Variants in SHISA6 observed in about 807,000 individuals in gnomAD.
The protein encoded by SHISA6 is protein shisa-6.
In SHISA6, 22 loss-of-function variants were observed where a neutral mutation model predicts 47.9. The ratio of observed to expected loss-of-function variants is 0.46; its 90% confidence interval spans 0.33 to 0.66. The LOEUF is 0.66. SHISA6 is among the 30% of genes least tolerant of loss of function. The pLI, the probability that SHISA6 is intolerant of heterozygous loss-of-function variation, is 0.02. For synonymous variants in SHISA6, 388 were observed against 337.8 expected (o/e 1.15, Z -1.63); for missense variants, 680 against 764.6 (o/e 0.89, Z 1.30).
chr17:11,327,905 TTCTC>T (rs143614162), intron 2 of SHISA6, among the ~76,000 whole-genome samples: 13 of 151,344 alleles, frequency 8.6e-5, no homozygotes, highest in Non-Finnish European at 8.9e-5. Flanking sequence ...CAGAAGCATT[TTCTC>T]TCTCTCTCTC....
At chr17:11,417,899 G>A (rs1238653205) in intron 3 of SHISA6, among the ~76,000 whole-genome samples, 4 of 152,212 alleles carry the variant, frequency 2.6e-5, no homozygotes, top group Admixed American at 2.0e-4. Context: ...TTAAAGGGAA[G>A]TTGATAAGGA....
chr17:11,267,333 C>T (rs149552345), intron 2 of SHISA6, among the ~76,000 whole-genome samples: 3 of 152,306 alleles, frequency 2.0e-5, no homozygotes, highest in Admixed American at 1.3e-4. Flanking sequence ...GAATCTTGGG[C>T]TCTTCCTCAA....
intron 2 of SHISA6, among the ~76,000 whole-genome samples, chr17:11,282,083 C>G (rs530519208): frequency 6.6e-6 from 1 of 152,332 alleles, no homozygotes; most frequent in African/African-American, 2.4e-5. Flanking sequence ...GCCAAATTAT[C>G]TTTACAAAAC....
At position 11,281,668 on chromosome 17, in the gene SHISA6, C is replaced by T. The variant is rs191840522; in HGVS notation, c.799+18142C>T. Among the ~76,000 whole-genome samples, 327 of 152,014 alleles carry T rather than the reference C, an allele frequency of 2.2e-3. 2 individuals carry two copies. The highest frequency in any genetic ancestry group is 8.5e-3 in the South Asian group (41 of 4,808). On this transcript the variant is annotated intron_variant, in intron 2 of 5. Transcript: ENST00000441885. ...GTAATGCTGACCTCATAAAATATGC[C>T]GAAAAATGTTTTTTTCTCTCAATTT...
At chr17:11,386,086 A>G (rs953402224) in intron 3 of SHISA6, among the ~76,000 whole-genome samples, 3 of 152,180 alleles carry the variant, frequency 2.0e-5, no homozygotes, top group African/African-American at 4.8e-5. Context: ...AGGAAGGTGC[A>G]TTATTTCAGT....
chr17:11,448,712 G>A (rs925560640), intron 3 of SHISA6, among the ~76,000 whole-genome samples: 2 of 152,122 alleles, frequency 1.3e-5, no homozygotes, highest in African/African-American at 4.8e-5. Context: ...TGTAATCCCA[G>A]CCACTCAGGA....
At chr17:11,297,529 A>G (rs1909793251) in intron 2 of SHISA6, among the ~76,000 whole-genome samples, 1 of 152,176 alleles carries the variant, frequency 6.6e-6, no homozygotes, top group South Asian at 2.1e-4. Flanking sequence ...AAGCGAGGGC[A>G]ACAAAGGAGC....
intron 3 of SHISA6, among the ~76,000 whole-genome samples, chr17:11,391,433 C>G (rs1913383935): frequency 6.6e-6 from 1 of 152,206 alleles, no homozygotes; most frequent in Non-Finnish European, 1.5e-5. Flanking sequence ...CCCATGCCCT[C>G]TTCCTCCTTG....
intron 3 of SHISA6, among the ~76,000 whole-genome samples, chr17:11,446,405 C>A (rs963423756): frequency 6.6e-6 from 1 of 152,204 alleles, no homozygotes. Flanking sequence ...TTAGGAACTA[C>A]GAAGACACAG....
intron 2 of SHISA6, among the ~76,000 whole-genome samples, chr17:11,315,720 C>T (rs1240479360): frequency 6.6e-6 from 1 of 152,088 alleles, no homozygotes; most frequent in Admixed American, 6.5e-5. Flanking sequence ...TCCCTGCATT[C>T]CTAGAATTAA....
intron 3 of SHISA6, among the ~76,000 whole-genome samples, chr17:11,484,729 G>A (rs1005578521): frequency 6.6e-6 from 1 of 152,088 alleles, no homozygotes; most frequent in African/African-American, 2.4e-5. Context: ...ATCCACAAAA[G>A]AGAAAATTTC....
chr17:11,462,180 T>C (rs942908437), intron 3 of SHISA6, among the ~76,000 whole-genome samples: 2 of 152,158 alleles, frequency 1.3e-5, no homozygotes, highest in Admixed American at 1.3e-4. Context: ...CTCCCCCTCT[T>C]GCTTCTGTCC....
At chr17:11,282,398 C>A (rs1355627316) in intron 2 of SHISA6, among the ~76,000 whole-genome samples, 1 of 117,030 alleles carries the variant, frequency 8.5e-6, no homozygotes, top group Non-Finnish European at 2.0e-5. Context: ...CGTGGTATTT[C>A]TTCTTTTTTT....
chr17:11,306,634 G>A (rs1008362), intron 2 of SHISA6, among the ~76,000 whole-genome samples: 69,158 of 151,960 alleles, frequency 0.46, 15,960 homozygotes, highest in Middle Eastern at 0.49. Context: ...TTATTTTTTG[G>A]ATGTGATAAG....
At chr17:11,286,772 G>A (rs1056648802) in intron 2 of SHISA6, among the ~76,000 whole-genome samples, 7 of 152,138 alleles carry the variant, frequency 4.6e-5, no homozygotes, top group Admixed American at 2.0e-4. Context: ...CTCAAAATGC[G>A]TTTACTTGTT....
intron 3 of SHISA6, among the ~76,000 whole-genome samples, chr17:11,522,295 G>A (rs929318882): frequency 1.3e-5 from 2 of 151,930 alleles, no homozygotes; most frequent in Non-Finnish European, 2.9e-5. Flanking sequence ...TTACAGGGTC[G>A]CTTTGTCGCC....
intron 3 of SHISA6, among the ~76,000 whole-genome samples, chr17:11,485,896 G>A (rs549596627): frequency 1.2e-3 from 176 of 151,970 alleles, no homozygotes; most frequent in African/African-American, 1.6e-3. Context: ...CCATCCCAGC[G>A]CTGTTGATTT....
chr17:11,546,657 A>AT (rs1273778290), intron 3 of SHISA6, among the ~76,000 whole-genome samples: 1 of 152,242 alleles, frequency 6.6e-6, no homozygotes, highest in Non-Finnish European at 1.5e-5. Flanking sequence ...GCAGTGGCTC[A>AT]TGCCTGGAAT....
At chr17:11,528,526 A>T (rs1404902074) in intron 3 of SHISA6, among the ~76,000 whole-genome samples, 2 of 152,226 alleles carry the variant, frequency 1.3e-5, no homozygotes, top group Non-Finnish European at 2.9e-5. Context: ...AATTGTAATG[A>T]TTAAAACAGT....
Sources: gnomAD v4.1 joint callset for allele counts (sites outside exome capture counted in the v4.1 genomes callset) on GRCh38, gnomAD v4.1.1 for gene constraint, MANE v1.5 for transcripts, NCBI Gene and HGNC (gene_info 2026-07-23, HGNC 2026-07-21) for gene names.